Variants in SCML2 observed in about 807,000 individuals in gnomAD.
SCML2 encodes the protein Scm polycomb group protein like 2.
SCML2 carries 6 observed loss-of-function variants against 48.4 expected under a neutral mutation model. The ratio of observed to expected loss-of-function variants is 0.12; its 90% confidence interval spans 0.07 to 0.24. The LOEUF (loss-of-function observed/expected upper bound fraction) is 0.24, where lower values mean the gene tolerates loss of function less well. Ranked by LOEUF, SCML2 falls within the 10% of genes least tolerant of loss-of-function variation. SCML2 has a pLI of 1.00. For synonymous variants in SCML2, 181 were observed against 189.5 expected (o/e 0.95, Z 0.37); for missense variants, 377 against 528.2 (o/e 0.71, Z 2.81).
At chrX:18,252,228 C>G (rs1314659776) in intron 11 of SCML2, among the ~76,000 whole-genome samples, 1 of 112,768 alleles carries the variant, frequency 8.9e-6, no homozygotes, top group Non-Finnish European at 1.9e-5. Context: ...GAGCCAAGAT[C>G]ACACCACTGC....
chrX:18,252,685 C>A (rs1926705390), intron 11 of SCML2, among the ~76,000 whole-genome samples: 1 of 112,653 alleles, frequency 8.9e-6, no homozygotes, highest in African/African-American at 3.2e-5. Context: ...CTAGTCTAAA[C>A]TGAAGATTTC....
chrX:18,330,934 C>A (rs1244419906), intron 2 of SCML2, among the ~76,000 whole-genome samples: 1 of 110,580 alleles, frequency 9.0e-6, no homozygotes, highest in Non-Finnish European at 1.9e-5. Flanking sequence ...AAAACAGGAC[C>A]TGGCATCGCA....
At position 18,240,449 on chromosome X, in the gene SCML2, G is replaced by A. The variant is rs1438662206; in HGVS notation, c.*802C>T. 6 of 111,802 alleles carry A rather than the reference G, an allele frequency of 5.4e-5. No individual in the cohort carries two copies. Among genetic ancestry groups the A allele is most frequent in the Non-Finnish European group, 7.5e-5 (4 of 53,151 alleles). 9.2% of individuals were successfully genotyped at this position (111,802 alleles called of 1,213,427 possible). A position where few individuals can be genotyped will look rare whatever the true frequency, so the allele number is the denominator to read the frequency against. On this transcript the variant is annotated 3_prime_UTR_variant, in exon 15 of 15. Transcript: ENST00000251900. ...AGAATGCCTAGTTAAATGTCCAAGC[G>A]TAGTGAAAATATGGAAAGTTTTAAA...
Position 18,308,065 on chromosome X carries a change from G to A in SCML2, c.487-2850C>T, listed in dbSNP as rs1172276358. Among the ~76,000 whole-genome samples the A allele has an allele frequency of 2.9e-5, 3 of 103,053 alleles. No homozygotes were observed. The East Asian group carries it at 9.2e-4, about 31-fold the overall frequency. 89.5% of individuals were successfully genotyped at this position (103,053 alleles called of 115,157 possible). A position where few individuals can be genotyped will look rare whatever the true frequency, so the allele number is the denominator to read the frequency against. ...GCCAAGATCATGCCATTGCACTCCA[G>A]CCTGGGTGACAGATCAAGACTCGTC... is the stretch of plus-strand genomic sequence containing the variant. On this transcript the variant is annotated intron_variant, in intron 6 of 14. Coordinates refer to ENST00000251900, the MANE Select transcript of SCML2 (RefSeq NM_006089.3).
intron 1 of SCML2, among the ~76,000 whole-genome samples, chrX:18,351,412 C>T (rs1388357687): frequency 9.0e-6 from 1 of 111,027 alleles, no homozygotes; most frequent in Non-Finnish European, 1.9e-5. Flanking sequence ...ATTAGGGATG[C>T]TTGATTTGCC....
intron 1 of SCML2, among the ~76,000 whole-genome samples, chrX:18,346,019 C>A (rs1458982883): frequency 9.0e-6 from 1 of 110,687 alleles, no homozygotes; most frequent in African/African-American, 3.3e-5. Flanking sequence ...CCTGCCTCAG[C>A]CTCCCAAAGT....
At chrX:18,319,837 T>G (rs1929258850) in intron 6 of SCML2, among the ~76,000 whole-genome samples, 1 of 110,836 alleles carries the variant, frequency 9.0e-6, no homozygotes, top group Non-Finnish European at 1.9e-5. Flanking sequence ...CCAATAGGAC[T>G]GGTGTCCCTA....
At chrX:18,288,476 C>T (rs1474743612) in intron 7 of SCML2, among the ~76,000 whole-genome samples, 1 of 110,329 alleles carries the variant, frequency 9.1e-6, no homozygotes, top group African/African-American at 3.3e-5. Flanking sequence ...TAGAAATAAC[C>T]AAAGGCTTAC....
intron 1 of SCML2, among the ~76,000 whole-genome samples, chrX:18,336,723 C>T (rs1007279108): frequency 5.5e-5 from 6 of 108,715 alleles, no homozygotes; most frequent in Non-Finnish European, 1.1e-4. Context: ...GGCGACAGAG[C>T]GAGACTCCGT....
At chrX:18,305,830 T>C (rs1375945896) in intron 6 of SCML2, among the ~76,000 whole-genome samples, 2 of 109,234 alleles carry the variant, frequency 1.8e-5, no homozygotes, top group African/African-American at 6.7e-5. Flanking sequence ...TAGTATGGGG[T>C]CATTTATAAT....
chrX:18,347,991 C>A (rs1930257530), intron 1 of SCML2, among the ~76,000 whole-genome samples: 2 of 111,483 alleles, frequency 1.8e-5, no homozygotes, highest in African/African-American at 3.3e-5. Context: ...AGTTACCCCC[C>A]AAAAAACCTG....
At chrX:18,270,415 T>C (rs1378266866) in intron 7 of SCML2, among the ~76,000 whole-genome samples, 1 of 111,201 alleles carries the variant, frequency 9.0e-6, no homozygotes, top group Admixed American at 9.6e-5. Context: ...TTTCATTTTT[T>C]GTTTGAGACA....
chrX:18,338,978 A>C (rs944764686), intron 1 of SCML2, among the ~76,000 whole-genome samples: 4 of 108,993 alleles, frequency 3.7e-5, no homozygotes, highest in Non-Finnish European at 7.6e-5. Context: ...CCAGCATAGT[A>C]TCTCAAACAA....
In SCML2 at chrX:18,279,392, C is replaced by T. The variant is rs1226084426; in HGVS notation, c.731-13590G>A. Reference sequence around the variant, plus strand: ...AAGCCAATGGACTATACTCAACTTACACCACAGTTAAAGGAACACCAACCC... The same window carrying T: ...AAGCCAATGGACTATACTCAACTTATACCACAGTTAAAGGAACACCAACCC... On this transcript the variant is annotated intron_variant, in intron 7 of 14. Transcript: ENST00000251900. 3.6e-5 allele frequency among the ~76,000 whole-genome samples: 4 copies of T among 112,597 alleles called. No homozygotes were observed. In the East Asian group the frequency reaches 8.4e-4, roughly 24 times the overall value.
chrX:18,268,453 C>T (rs184053337), intron 7 of SCML2, among the ~76,000 whole-genome samples: 4 of 109,192 alleles, frequency 3.7e-5, no homozygotes, highest in African/African-American at 1.0e-4. Context: ...CACTTGAACC[C>T]GGGAGGCAGA....
intron 3 of SCML2, among the ~76,000 whole-genome samples, chrX:18,327,289 G>A (rs1569161262): frequency 2.7e-5 from 3 of 110,784 alleles, no homozygotes; most frequent in African/African-American, 6.6e-5. Flanking sequence ...GCTTGAACCC[G>A]GAAGGTGGAG....
At chrX:18,252,473 T>C (rs1926699527) in intron 11 of SCML2, among the ~76,000 whole-genome samples, 1 of 111,795 alleles carries the variant, frequency 8.9e-6, no homozygotes, top group African/African-American at 3.3e-5. Context: ...GGTATGGGAT[T>C]TCTATTGGGG....
chrX:18,278,216 G>T (rs1362617075), intron 7 of SCML2, among the ~76,000 whole-genome samples: 1 of 111,778 alleles, frequency 8.9e-6, no homozygotes, highest in Non-Finnish European at 1.9e-5. Context: ...ACCATAATTT[G>T]GGCAGATCTT....
chrX:18,247,126 G>A (rs994803501), intron 12 of SCML2, among the ~76,000 whole-genome samples: 2 of 110,993 alleles, frequency 1.8e-5, no homozygotes, highest in African/African-American at 6.6e-5. Flanking sequence ...CCGAGTAGCT[G>A]GGAGTACAGG....
Sources: allele counts gnomAD v4.1 joint callset (sites outside exome capture counted in the v4.1 genomes callset), GRCh38; gene constraint gnomAD v4.1.1; transcripts MANE v1.5; gene names NCBI Gene and HGNC (gene_info 2026-07-23, HGNC 2026-07-21).